Variants in STAC observed in about 807,000 individuals in gnomAD.
The protein encoded by STAC is SH3 and cysteine-rich domain-containing protein.
Under a neutral mutation model 48.8 loss-of-function variants are expected in STAC, and 43 were observed. The ratio of observed to expected loss-of-function variants is 0.88; its 90% CI spans 0.69 to 1.14. The LOEUF (loss-of-function observed/expected upper bound fraction) is 1.14, where lower values mean the gene tolerates loss of function less well. STAC is among the 50% of genes most tolerant of loss of function. The pLI, the probability that STAC is intolerant of heterozygous loss-of-function variation, is 0.00. For missense variants in STAC, 497 were observed against 504.0 expected (o/e 0.99, Z 0.13); for synonymous variants, 193 against 179.5 (o/e 1.07, Z -0.60).
intron 6 of STAC, among the ~76,000 whole-genome samples, chr3:36,493,878 C>T (rs1438182593): frequency 6.6e-6 from 1 of 151,814 alleles, no homozygotes; most frequent in Non-Finnish European, 1.5e-5. Flanking sequence ...TGGCCGGGCG[C>T]GGTGGCTCAC....
At chr3:36,487,089 T>C (rs968471314) in intron 5 of STAC, among the ~76,000 whole-genome samples, 6 of 152,106 alleles carry the variant, frequency 3.9e-5, no homozygotes, top group Non-Finnish European at 5.9e-5. Flanking sequence ...CAACATCAAG[T>C]GACTAGGTGG....
At chr3:36,500,581 C>T (rs527684139) in intron 6 of STAC, among the ~76,000 whole-genome samples, 12 of 151,952 alleles carry the variant, frequency 7.9e-5, no homozygotes, top group Admixed American at 2.0e-4. Context: ...TGCACATGTA[C>T]CCCAGAATTA....
chr3:36,532,862 C>A (rs1699103853), intron 10 of STAC, among the ~76,000 whole-genome samples: 1 of 152,078 alleles, frequency 6.6e-6, no homozygotes, highest in African/African-American at 2.4e-5. Flanking sequence ...TTATAAGAAT[C>A]ATAATTATTA....
intron 6 of STAC, among the ~76,000 whole-genome samples, chr3:36,503,049 T>C (rs1026087031): frequency 5.3e-5 from 8 of 152,222 alleles, no homozygotes; most frequent in Non-Finnish European, 1.0e-4. Context: ...CAGTAAAGAC[T>C]GTCAGTGCAC....
chr3:36,453,049 C>T (rs758682315), intron 2 of STAC, among the ~76,000 whole-genome samples: 7 of 152,232 alleles, frequency 4.6e-5, no homozygotes, highest in Non-Finnish European at 7.3e-5. Flanking sequence ...ATTTTGGGTA[C>T]CAGTTTGTGG....
chr3:36,466,855 T>G (rs1697191491), intron 2 of STAC, among the ~76,000 whole-genome samples: 1 of 152,082 alleles, frequency 6.6e-6, no homozygotes, highest in Non-Finnish European at 1.5e-5. Flanking sequence ...TCTTGTCTGA[T>G]TGCTCTGGCT....
At chr3:36,417,204 C>T (rs1700338723) in intron 1 of STAC, among the ~76,000 whole-genome samples, 1 of 151,494 alleles carries the variant, frequency 6.6e-6, no homozygotes, top group Non-Finnish European at 1.5e-5. Flanking sequence ...GAGGGAAGGG[C>T]CCTCCTTAAA....
At chr3:36,539,694 C>T (rs1294279313) in intron 10 of STAC, among the ~76,000 whole-genome samples, 1 of 152,126 alleles carries the variant, frequency 6.6e-6, no homozygotes, top group African/African-American at 2.4e-5. Context: ...ATTGCATCAT[C>T]TCTTTACCTC....
chr3:36,498,831 A>AT, intron 6 of STAC, among the ~76,000 whole-genome samples: 1 of 152,160 alleles, frequency 6.6e-6, no homozygotes, highest in Non-Finnish European at 1.5e-5. Context: ...TCCAGAATTG[A>AT]TTAAAGACAC....
intron 1 of STAC, among the ~76,000 whole-genome samples, chr3:36,439,112 G>A (rs17035057): frequency 0.081 from 12,386 of 152,166 alleles, 543 homozygotes; most frequent in African/African-American, 0.11. Flanking sequence ...AGTGGAAAGA[G>A]CATGGGGACG....
At position 36,435,564 on chromosome 3, in the gene STAC, T is replaced by C. The variant is rs546524393; in HGVS notation, c.112-7800T>C. Among the ~76,000 whole-genome samples the C allele has an allele frequency of 2.6e-5, 4 of 152,238 alleles. No homozygotes were observed. In the East Asian group the frequency reaches 7.7e-4, roughly 29 times the overall value. On this transcript the variant is annotated intron_variant, in intron 1 of 10. Transcript: ENST00000273183. ...TGGATGCTACATTTCCCTTCAGATA[T>C]TGCCTCTTTTCACTAATCTTCTTTA... is the stretch of plus-strand genomic sequence containing the variant.
chr3:36,437,664 T>C (rs1696186298), intron 1 of STAC, among the ~76,000 whole-genome samples: 1 of 145,842 alleles, frequency 6.9e-6, no homozygotes, highest in African/African-American at 2.5e-5. Flanking sequence ...CATTAGGAGA[T>C]ATACCTAATG....
chr3:36,454,586 T>G (rs1267349676), intron 2 of STAC, among the ~76,000 whole-genome samples: 1 of 152,068 alleles, frequency 6.6e-6, no homozygotes, highest in African/African-American at 2.4e-5. Flanking sequence ...ATGGATACTA[T>G]CTCCCCTCTC....
At chr3:36,452,646 TAAG>T (rs1559497208) in intron 2 of STAC, among the ~76,000 whole-genome samples, 3 of 152,152 alleles carry the variant, frequency 2.0e-5, no homozygotes, top group Non-Finnish European at 4.4e-5. Context: ...TACCAAGAAT[TAAG>T]AAGGTAGAAT....
chr3:36,388,740 C>T (rs1416787945), intron 1 of STAC, among the ~76,000 whole-genome samples: 1 of 151,770 alleles, frequency 6.6e-6, no homozygotes, highest in African/African-American at 2.4e-5. Flanking sequence ...TCTTTTTTCA[C>T]TGATTTGAAA....
At chr3:36,492,066 A>G (rs1488096084) in intron 5 of STAC, among the ~76,000 whole-genome samples, 6 of 104,498 alleles carry the variant, frequency 5.7e-5, no homozygotes, top group Admixed American at 1.1e-4. Flanking sequence ...ATATATATAT[A>G]TGTGACTGTC....
intron 2 of STAC, among the ~76,000 whole-genome samples, chr3:36,448,368 G>A (rs974047982): frequency 6.7e-6 from 1 of 148,912 alleles, no homozygotes; most frequent in African/African-American, 2.5e-5. Context: ...ATTACAGGCA[G>A]GTGCCACTGT....
At chr3:36,423,305 T>C (rs2125646189) in intron 1 of STAC, among the ~76,000 whole-genome samples, 1 of 152,016 alleles carries the variant, frequency 6.6e-6, no homozygotes, top group African/African-American at 2.4e-5. Context: ...TCTAACCACA[T>C]ACCGAGGAAG....
intron 1 of STAC, among the ~76,000 whole-genome samples, chr3:36,442,739 T>TACACACACACAC (rs10528748): frequency 5.2e-5 from 7 of 133,402 alleles, no homozygotes; most frequent in African/African-American, 2.0e-4. Context: ...TCCTATGTCC[T>TACACACACACAC]ACACACACAC....
Sources: gnomAD v4.1 joint callset for allele counts (sites outside exome capture counted in the v4.1 genomes callset) on GRCh38, gnomAD v4.1.1 for gene constraint, MANE v1.5 for transcripts, NCBI Gene and HGNC (gene_info 2026-07-23, HGNC 2026-07-21) for gene names.